Variants in MSH3 observed in about 807,000 individuals in gnomAD.
MSH3 encodes the protein mutS homolog 3.
A neutral mutation model predicts 123.3 loss-of-function variants in MSH3; 106 were observed. The observed-to-expected ratio is 0.86, with a 90% confidence interval of 0.73 to 1.01. The LOEUF is 1.01. Among genes scored for constraint, MSH3 ranks in the 50% least tolerant of loss-of-function variants. MSH3 has a pLI of 0.00. For missense variants in MSH3, 1,459 were observed against 1,347.6 expected (o/e 1.08, Z -1.29); for synonymous variants, 515 against 481.4 (o/e 1.07, Z -0.91).
chr5:80,692,562 A>C (rs994943266), intron 8 of MSH3, among the ~76,000 whole-genome samples: 2 of 144,610 alleles, frequency 1.4e-5, no homozygotes, highest in African/African-American at 2.5e-5. Context: ...AGAGATAAAC[A>C]TGTATATGTT....
chr5:80,814,157 GAAAA>G (rs1172137771), intron 20 of MSH3, among the ~76,000 whole-genome samples: 1 of 150,002 alleles, frequency 6.7e-6, no homozygotes, highest in Non-Finnish European at 1.5e-5. Flanking sequence ...AACAAAAACA[GAAAA>G]AAAACCCACG....
intron 8 of MSH3, among the ~76,000 whole-genome samples, chr5:80,715,791 A>G (rs1312337181): frequency 1.3e-5 from 2 of 151,904 alleles, no homozygotes; most frequent in Non-Finnish European, 2.9e-5. Context: ...TCTCATGAGA[A>G]CTCACTCACT....
intron 21 of MSH3, among the ~76,000 whole-genome samples, chr5:80,857,857 C>T (rs1242745108): frequency 6.6e-6 from 1 of 151,976 alleles, no homozygotes; most frequent in Non-Finnish European, 1.5e-5. Flanking sequence ...TGATTATTTT[C>T]CCCATTGCTT....
chr5:80,860,962 A>C (rs1561502328), intron 21 of MSH3, among the ~76,000 whole-genome samples: 1 of 152,146 alleles, frequency 6.6e-6, no homozygotes, highest in African/African-American at 2.4e-5. Flanking sequence ...AAGCTCATCA[A>C]ACACATTCTT....
Position 80,654,915 on chromosome 5 carries a change from C to CGCTGCGG in MSH3, c.188_189insGCTGCGG (p.Pro64LeufsTer23). On this transcript the variant is annotated frameshift_variant, in exon 1 of 24. Transcript: ENST00000265081. LOFTEE classifies it high-confidence loss of function. ...GCAGCGGCCGCAGCGGCCGCAGCGC[C>CGCTGCGG]CCCAGCGCCCCCAGCTCCCGCCTTC... 1 of 1,516,582 alleles carries CGCTGCGG rather than the reference C, an allele frequency of 6.6e-7. No individual in the cohort carries two copies. Among genetic ancestry groups the CGCTGCGG allele is most frequent in the Non-Finnish European group, 8.8e-7 (1 of 1,139,868 alleles). The allele number at this position is 1,516,582 out of a possible 1,614,324, so 93.9% of individuals were successfully genotyped here.
chr5:80,831,982 C>G (rs897987435), intron 20 of MSH3, among the ~76,000 whole-genome samples: 1 of 151,588 alleles, frequency 6.6e-6, no homozygotes, highest in Non-Finnish European at 1.5e-5. Flanking sequence ...GGTGGCGGGG[C>G]GCCTATAGTC....
intron 8 of MSH3, among the ~76,000 whole-genome samples, chr5:80,703,835 G>A (rs573072615): frequency 1.4e-4 from 22 of 151,844 alleles, no homozygotes; most frequent in South Asian, 2.1e-4. Context: ...TTGACTGGAC[G>A]TAAACACTAG....
chr5:80,802,432 T>C (rs1744805757), intron 19 of MSH3, among the ~76,000 whole-genome samples: 1 of 150,896 alleles, frequency 6.6e-6, no homozygotes, highest in Non-Finnish European at 1.5e-5. Flanking sequence ...AAAACAAAAA[T>C]TGGGGGCACA....
At chr5:80,671,776 T>C (rs1749729199) in intron 4 of MSH3, among the ~76,000 whole-genome samples, 1 of 152,204 alleles carries the variant, frequency 6.6e-6, no homozygotes, top group Non-Finnish European at 1.5e-5. Flanking sequence ...TCGTGCATCA[T>C]TAATTAGTTA....
intron 8 of MSH3, among the ~76,000 whole-genome samples, chr5:80,711,445 C>A (rs1275541735): frequency 6.6e-6 from 1 of 152,112 alleles, no homozygotes; most frequent in Non-Finnish European, 1.5e-5. Flanking sequence ...CCAGAACCTC[C>A]CACAGGTGCT....
chr5:80,845,549 A>G (rs1297747832), intron 20 of MSH3, among the ~76,000 whole-genome samples: 1 of 152,164 alleles, frequency 6.6e-6, no homozygotes, highest in Admixed American at 6.5e-5. Flanking sequence ...AATCAAATGT[A>G]TATTTGGTCT....
intron 8 of MSH3, among the ~76,000 whole-genome samples, chr5:80,694,866 G>A (rs1750433011): frequency 6.7e-6 from 1 of 149,074 alleles, no homozygotes; most frequent in Admixed American, 6.7e-5. Flanking sequence ...CTATAGCTAA[G>A]GTATGATTTC....
intron 19 of MSH3, among the ~76,000 whole-genome samples, chr5:80,797,737 A>G (rs1744721197): frequency 6.6e-6 from 1 of 152,194 alleles, no homozygotes; most frequent in Non-Finnish European, 1.5e-5. Context: ...TTAATGGAAC[A>G]CTGGATTAAA....
chr5:80,767,067 C>T (rs547794614), intron 13 of MSH3, among the ~76,000 whole-genome samples: 2 of 152,156 alleles, frequency 1.3e-5, no homozygotes, highest in South Asian at 4.1e-4. Flanking sequence ...GCAAACAGAT[C>T]TTAATTTTCT....
At chr5:80,810,195 A>ATATATATAT (rs70991187) in intron 19 of MSH3, among the ~76,000 whole-genome samples, 12 of 146,014 alleles carry the variant, frequency 8.2e-5, no homozygotes, top group South Asian at 2.2e-4. Flanking sequence ...ATATATATAT[A>ATATATATAT]AACTAGTAGC....
intron 20 of MSH3, among the ~76,000 whole-genome samples, chr5:80,845,635 C>T (rs2112096379): frequency 6.6e-6 from 1 of 152,272 alleles, no homozygotes; most frequent in African/African-American, 2.4e-5. Flanking sequence ...TGTCTTCTCA[C>T]TTTATTTCAT....
At chr5:80,692,634 T>TAGA (rs1561445218) in intron 8 of MSH3, among the ~76,000 whole-genome samples, 1 of 139,590 alleles carries the variant, frequency 7.2e-6, no homozygotes, top group South Asian at 2.3e-4. Flanking sequence ...ATGTATATGT[T>TAGA]TATATATGTT....
In MSH3 at chr5:80,654,877, C is replaced by CGCTGCAGCG. The variant is rs758595508; in HGVS notation, c.162_170dup (p.Ala60_Ala62dup). ...GTGCAGCCGACCAGGTGGACCCTGG[C>CGCTGCAGCG]GCTGCAGCGGCTGCAGCGGCCGCAG... On this transcript the variant is annotated inframe_insertion, in exon 1 of 24. Transcript: ENST00000265081. The CGCTGCAGCG allele has an allele frequency of 2.5e-4, 379 of 1,500,086 alleles. 1 individual carries two copies. The highest frequency in any genetic ancestry group is 1.8e-3 in the African/African-American group (117 of 64,938). 92.9% of individuals were successfully genotyped at this position (1,500,086 alleles called of 1,614,324 possible).
At chr5:80,769,210 TTAATG>T (rs1466316407) in intron 15 of MSH3, among the ~76,000 whole-genome samples, 1 of 152,118 alleles carries the variant, frequency 6.6e-6, no homozygotes, top group Non-Finnish European at 1.5e-5. Flanking sequence ...GTAATGCAAC[TTAATG>T]TTATATGTAT....
Sources: allele counts gnomAD v4.1 joint callset (sites outside exome capture counted in the v4.1 genomes callset), GRCh38; gene constraint gnomAD v4.1.1; transcripts MANE v1.5; gene names NCBI Gene and HGNC (gene_info 2026-07-23, HGNC 2026-07-21).